The following ERN1 variants were observed in gnomAD, a reference collection of about 807,000 sequenced individuals.
ERN1 encodes endoplasmic reticulum to nucleus signaling 1.
A neutral mutation model predicts 113.1 loss-of-function variants in ERN1; 39 were observed. The ratio of observed to expected loss-of-function variants is 0.34; its 90% CI spans 0.27 to 0.45. The LOEUF (loss-of-function observed/expected upper bound fraction) is 0.45, where lower values mean the gene tolerates loss of function less well. Among genes scored for constraint, ERN1 ranks in the 20% least tolerant of loss-of-function variants. The probability of loss-of-function intolerance (pLI) is 1.00; values close to 1 mark genes in which losing one functional copy is unlikely to be tolerated. For synonymous variants in ERN1, 507 were observed against 515.9 expected, an observed-to-expected ratio of 0.98 and a Z score of 0.23; for missense variants, 976 against 1,274.8, an observed-to-expected ratio of 0.77 and a Z score of 3.57.
At chr17:64,062,425 C>T (rs1913082718) in intron 10 of ERN1, among the ~76,000 whole-genome samples, 1 of 152,260 alleles carries the variant, frequency 6.6e-6, no homozygotes, top group South Asian at 2.1e-4. Flanking sequence ...ACAGGAGACA[C>T]TGCCATAGTC....
At chr17:64,050,854 T>A (rs548372918) in intron 17 of ERN1, among the ~76,000 whole-genome samples, 3 of 152,326 alleles carry the variant, frequency 2.0e-5, no homozygotes, top group African/African-American at 7.2e-5. Flanking sequence ...TCTTTGATGA[T>A]CTGACCAGCT....
intron 2 of ERN1, among the ~76,000 whole-genome samples, chr17:64,085,636 T>C (rs572276564): frequency 8.5e-5 from 13 of 152,306 alleles, no homozygotes; most frequent in South Asian, 8.3e-4. Context: ...AAATCCATTG[T>C]TGATCACTTT....
At chr17:64,068,386 C>G in intron 6 of ERN1, 95 bp from the exon 7 acceptor site, 5 of 903,780 alleles carry the variant, frequency 5.5e-6, no homozygotes, top group Middle Eastern at 2.5e-4. Context: ...CAAATCCTCC[C>G]TAAACTGTAG....
chr17:64,078,705 A>C (rs1291225368), intron 4 of ERN1, among the ~76,000 whole-genome samples: 2 of 152,160 alleles, frequency 1.3e-5, no homozygotes, highest in Non-Finnish European at 2.9e-5. Context: ...TACACCACTT[A>C]TTGCAAAAAC....
intron 2 of ERN1, among the ~76,000 whole-genome samples, chr17:64,089,229 G>A (rs1914019457): frequency 6.9e-6 from 1 of 144,366 alleles, no homozygotes; most frequent in African/African-American, 2.6e-5. Flanking sequence ...TGAGGCAGGA[G>A]AATGGCGTGA....
At chr17:64,089,005 C>T (rs910188565) in intron 2 of ERN1, among the ~76,000 whole-genome samples, 1 of 152,060 alleles carries the variant, frequency 6.6e-6, no homozygotes, top group Non-Finnish European at 1.5e-5. Context: ...CACTAGAGTC[C>T]AACTGGAAGC....
intron 1 of ERN1, among the ~76,000 whole-genome samples, chr17:64,106,177 G>C (rs190641061): frequency 6.6e-6 from 1 of 152,148 alleles, no homozygotes; most frequent in Non-Finnish European, 1.5e-5. Context: ...ATAAATTGGC[G>C]TTAAGGGTTC....
In ERN1 at chr17:64,130,091, G is replaced by T; in HGVS notation, c.-62C>A. The T allele has an allele frequency of 7.8e-7, 1 of 1,282,568 alleles. No homozygotes were observed. Among genetic ancestry groups the T allele is most frequent in the Non-Finnish European group, 9.9e-7 (1 of 1,011,212 alleles). The allele number at this position is 1,282,568 out of a possible 1,614,324, so 79.4% of individuals were successfully genotyped here. A position where few individuals can be genotyped will look rare whatever the true frequency, so the allele number is the denominator to read the frequency against. On this transcript the variant is annotated 5_prime_UTR_variant, in exon 1 of 22. Coordinates refer to ENST00000433197, the MANE Select transcript of ERN1 (RefSeq NM_001433.5). The surrounding 1 kb of genome is among the most constrained non-coding windows in gnomAD (Gnocchi z 4.0). ...ACAGAGGACGGGGCGGGGGCGCCGCGACGACAGCGAGGCGGTGACCGAGCC... is the reference window on the plus strand; with the variant it reads ...ACAGAGGACGGGGCGGGGGCGCCGCTACGACAGCGAGGCGGTGACCGAGCC...
rs1598041822 is a variant in ERN1, at chr17:64,045,024, A to G, written c.2654-97T>C. The G allele has an allele frequency of 4.3e-6, 4 of 930,394 alleles. No homozygotes were observed. In the South Asian group the frequency reaches 5.7e-5, roughly 13 times the overall value. 57.6% of individuals were successfully genotyped at this position (930,394 alleles called of 1,614,324 possible). On this transcript the variant is annotated intron_variant, in intron 20 of 21. Coordinates refer to ENST00000433197, the MANE Select transcript of ERN1 (RefSeq NM_001433.5). ...TGGGGTCCTGGGATTAGGGAGTTGGACTGAAAGGTGAGGTCACTCCACACC... is the reference window on the plus strand; with the variant it reads ...TGGGGTCCTGGGATTAGGGAGTTGGGCTGAAAGGTGAGGTCACTCCACACC...
rs915392606 is a variant in ERN1 at position 64,060,455 on chromosome 17, G to A, written c.1206+14C>T. The A allele has an allele frequency of 6.4e-6, 10 of 1,558,308 alleles. No individual in the cohort carries two copies. The highest frequency in any genetic ancestry group is 1.4e-5 in the African/African-American group (1 of 73,768). The stretch of plus-strand genomic sequence containing the variant: ...TAACACCAACAACCCCCGACTGGTC[G>A]CTTCCTCACTCACTTCCTCAAAGCT... On this transcript the variant is annotated intron_variant, in intron 11 of 21. Coordinates refer to ENST00000433197, the MANE Select transcript of ERN1 (RefSeq NM_001433.5).
At chr17:64,129,845 G>T in intron 1 of ERN1, 131 bp downstream of exon 1, 1 of 819,508 alleles carries the variant, frequency 1.2e-6, no homozygotes, top group Non-Finnish European at 1.7e-6. Flanking sequence ...TCCCACGGCT[G>T]GGCTCACGGG....
intron 1 of ERN1, among the ~76,000 whole-genome samples, chr17:64,110,476 AT>A (rs984312255): frequency 1.3e-5 from 2 of 152,236 alleles, no homozygotes; most frequent in African/African-American, 2.4e-5. Flanking sequence ...GTTTTAAAAA[AT>A]GTCCTTTGAT....
intron 1 of ERN1, 69 bp from the exon 2 acceptor site, chr17:64,098,310 C>A: frequency 6.4e-7 from 1 of 1,558,972 alleles, no homozygotes; most frequent in African/African-American, 1.4e-5. Context: ...CAATCACAGA[C>A]CCCCCACTCC....
chr17:64,100,208 TGAGTAAACAGGG>T (rs1450782814), intron 1 of ERN1, among the ~76,000 whole-genome samples: 27 of 152,086 alleles, frequency 1.8e-4, no homozygotes, highest in Admixed American at 1.8e-3. Context: ...TGGGAGTTCA[TGAGTAAACAGGG>T]GCTAAGTGAA....
chr17:64,060,212 A>G (rs1913007750), intron 11 of ERN1, among the ~76,000 whole-genome samples: 1 of 151,782 alleles, frequency 6.6e-6, no homozygotes, highest in Admixed American at 6.6e-5. Flanking sequence ...TGCTCCCTCC[A>G]CCTGGCCAAA....
Position 64,063,924 on chromosome 17 carries a change from C to G in ERN1, c.1087+62G>C. The G allele has an allele frequency of 6.6e-7, 1 of 1,526,048 alleles. No individual in the cohort carries two copies. Among genetic ancestry groups the G allele is most frequent in the Non-Finnish European group, 9.0e-7 (1 of 1,113,856 alleles). 94.5% of individuals were successfully genotyped at this position (1,526,048 alleles called of 1,614,324 possible). On this transcript the variant is annotated intron_variant, in intron 10 of 21. Coordinates refer to ENST00000433197, the MANE Select transcript of ERN1 (RefSeq NM_001433.5). The surrounding 1 kb of genome is among the most constrained non-coding windows in gnomAD (Gnocchi z 5.1). ...AGTACGGTGTAACTACCAGGGCCGG[C>G]GGTCGCCCACCAGGAGGCAGCACGC...
chr17:64,093,944 G>A (rs1045590729), intron 2 of ERN1, among the ~76,000 whole-genome samples: 2 of 152,178 alleles, frequency 1.3e-5, no homozygotes, highest in Admixed American at 6.5e-5. Flanking sequence ...ATTTTCTGGT[G>A]GTCACAGAGA....
At position 64,049,089 on chromosome 17, in the gene ERN1, G is replaced by C. The variant is rs1912601952; in HGVS notation, c.2367C>G (p.Ala789=). 1.2e-6 allele frequency: 2 copies of C among 1,605,590 alleles called. No homozygotes were observed. Among genetic ancestry groups the C allele is most frequent in the East Asian group, 4.5e-5 (2 of 44,610 alleles). The change falls in exon 18 of 22, where the codon GCC becomes GCG. Residue 789 remains alanine (A), a synonymous_variant. Transcript: ENST00000433197. This position sits in a 1 kb window ranked among gnomAD's most constrained non-coding sequence, Gnocchi z 4.7. ...LQRQANILLG[A]CSLDCLHPEK... is the part of the protein sequence containing the mutation. The stretch of plus-strand genomic sequence containing the variant: ...CTGGGTGCAAGCAGTCAAGGCTGCA[G>C]GCACCCAGGAGGATGTTGGCCTGCC...
In ERN1 at chr17:64,041,456, G is replaced by C. The variant is rs1349613964; in HGVS notation, c.*2532C>G. The C allele has an allele frequency of 2.0e-5, 3 of 152,198 alleles. No individual in the cohort carries two copies. Among genetic ancestry groups the C allele is most frequent in the African/African-American group, 7.2e-5 (3 of 41,444 alleles). The allele number at this position is 152,198 out of a possible 1,614,324, so 9.4% of individuals were successfully genotyped here. On this transcript the variant is annotated 3_prime_UTR_variant, in exon 22 of 22. Transcript: ENST00000433197. Reference sequence around the variant, plus strand: ...CTGGCCTGAAAAGAACTTTCCACTTGCTGAGCACAGTGGGAAACCAGAATT... The same window carrying C: ...CTGGCCTGAAAAGAACTTTCCACTTCCTGAGCACAGTGGGAAACCAGAATT...
Sources: allele counts gnomAD v4.1 joint callset (sites outside exome capture counted in the v4.1 genomes callset), GRCh38; gene constraint gnomAD v4.1.1; non-coding constraint Gnocchi (gnomAD v3.1); transcripts MANE v1.5; gene names NCBI Gene and HGNC (gene_info 2026-07-23, HGNC 2026-07-21).